Variants in APH1B observed in about 807,000 individuals in gnomAD.
The protein encoded by APH1B is gamma-secretase subunit APH-1B.
APH1B carries 27 observed loss-of-function variants against 28.2 expected under a neutral mutation model. The ratio of observed to expected loss-of-function variants is 0.96; its 90% CI spans 0.70 to 1.32. APH1B has a LOEUF of 1.32. Among genes scored for constraint, APH1B ranks in the 40% most tolerant of loss-of-function variants. APH1B has a pLI of 0.00. For missense variants in APH1B, 305 were observed against 313.6 expected, an observed-to-expected ratio of 0.97 and a Z score of 0.21; for synonymous variants, 141 against 124.6, an observed-to-expected ratio of 1.13 and a Z score of -0.88.
At chr15:63,303,865 C>A (rs538849214) in intron 5 of APH1B, among the ~76,000 whole-genome samples, 60 of 101,578 alleles carry the variant, frequency 5.9e-4, no homozygotes, top group African/African-American at 1.9e-3. Flanking sequence ...AACACACACA[C>A]ACACACACAA....
At chr15:63,303,750 C>T (rs775908340) in intron 5 of APH1B, among the ~76,000 whole-genome samples, 1 of 152,168 alleles carries the variant, frequency 6.6e-6, no homozygotes, top group Non-Finnish European at 1.5e-5. Context: ...CTCTCAGCCC[C>T]TCAAAGTGTT....
At chr15:63,277,947 G>T in intron 1 of APH1B, 1 of 576,272 alleles carries the variant, frequency 1.7e-6, no homozygotes, top group Admixed American at 3.3e-5. Flanking sequence ...CCTTTTGCCT[G>T]GGGCTCATGG....
intron 4 of APH1B, among the ~76,000 whole-genome samples, chr15:63,297,747 A>G (rs1305002743): frequency 6.6e-6 from 1 of 152,188 alleles, no homozygotes; most frequent in Non-Finnish European, 1.5e-5. Context: ...AGCTGTAGCC[A>G]CGTGTGTGTG....
At chr15:63,299,003 A>G (rs1029296438) in intron 4 of APH1B, among the ~76,000 whole-genome samples, 1 of 152,128 alleles carries the variant, frequency 6.6e-6, no homozygotes, top group Non-Finnish European at 1.5e-5. Context: ...ATGTGGTGAA[A>G]TGGAGAGGGG....
intron 1 of APH1B, chr15:63,277,974 C>T (rs2038343373): frequency 1.8e-6 from 1 of 556,278 alleles, no homozygotes; most frequent in Non-Finnish European, 3.2e-6. Context: ...TTTAGTGATC[C>T]GTGAAGCTAC....
chr15:63,307,625 T>A lies in APH1B; in HGVS notation c.*1844T>A, dbSNP rs894805622. The A allele has an allele frequency of 6.6e-6, 1 of 152,236 alleles. No individual in the cohort carries two copies. The highest frequency in any genetic ancestry group is 2.4e-5 in the African/African-American group (1 of 41,470). 9.4% of individuals were successfully genotyped at this position (152,236 alleles called of 1,614,324 possible). Reference sequence around the variant, plus strand: ...ACTCATCAAACTGGGATTATTCTTATCAAAACATGGTCTTCTTTGAATAAG... The same window carrying A: ...ACTCATCAAACTGGGATTATTCTTAACAAAACATGGTCTTCTTTGAATAAG... On this transcript the variant is annotated 3_prime_UTR_variant, in exon 6 of 6. Coordinates refer to ENST00000261879, the MANE Select transcript of APH1B (RefSeq NM_031301.4).
intron 4 of APH1B, among the ~76,000 whole-genome samples, chr15:63,300,855 A>G (rs1164117002): frequency 6.6e-6 from 1 of 152,204 alleles, no homozygotes; most frequent in Non-Finnish European, 1.5e-5. Flanking sequence ...ATAACATTAG[A>G]TTCTTGAGAT....
At position 63,304,224 on chromosome 15, in the gene APH1B, G is replaced by C. The variant is rs754625863; in HGVS notation, c.607-1390G>C. Reference sequence around the variant, plus strand: ...AAATACCAAAAGGCAGCACCAGGCTGTGGTGTTGAAGCCAGCGTCATGGTC... The same window carrying C: ...AAATACCAAAAGGCAGCACCAGGCTCTGGTGTTGAAGCCAGCGTCATGGTC... On this transcript the variant is annotated intron_variant, in intron 5 of 5. Coordinates refer to ENST00000261879, the MANE Select transcript of APH1B (RefSeq NM_031301.4). This position sits in a 1 kb window ranked among gnomAD's most constrained non-coding sequence, Gnocchi z 5.1. Among the ~76,000 whole-genome samples, 3 of 152,230 alleles carry C rather than the reference G, an allele frequency of 2.0e-5. No homozygotes were observed. The highest frequency in any genetic ancestry group is 1.3e-4 in the Admixed American group (2 of 15,280).
intron 4 of APH1B, among the ~76,000 whole-genome samples, chr15:63,301,501 A>G (rs909611705): frequency 1.3e-5 from 2 of 152,376 alleles, no homozygotes; most frequent in Non-Finnish European, 2.9e-5. Flanking sequence ...TTCCCCAGAA[A>G]AAACCTGGTG....
At chr15:63,279,460 A>C in intron 2 of APH1B, 129 bp downstream of exon 2, 1 of 746,674 alleles carries the variant, frequency 1.3e-6, no homozygotes. Context: ...AGATTGGTAC[A>C]TTTCCAGCCT....
chr15:63,287,834 CTT>C (rs780977450), intron 4 of APH1B, among the ~76,000 whole-genome samples: 1 of 152,110 alleles, frequency 6.6e-6, no homozygotes, highest in Non-Finnish European at 1.5e-5. Flanking sequence ...GCCATGTGCT[CTT>C]TTTGGTTTTT....
intron 2 of APH1B, among the ~76,000 whole-genome samples, chr15:63,282,428 A>G (rs575698020): frequency 6.6e-6 from 1 of 152,324 alleles, no homozygotes; most frequent in Admixed American, 6.5e-5. Flanking sequence ...TAATCACTTA[A>G]TCTTACTAAT....
chr15:63,281,760 C>CT (rs534635408), intron 2 of APH1B, among the ~76,000 whole-genome samples: 106 of 142,254 alleles, frequency 7.5e-4, no homozygotes, highest in Admixed American at 9.9e-4. Context: ...TATTGTTCCT[C>CT]TTTTTTTTTT....
intron 5 of APH1B, among the ~76,000 whole-genome samples, chr15:63,305,375 T>G (rs1163221161): frequency 1.3e-5 from 2 of 152,244 alleles, no homozygotes; most frequent in African/African-American, 4.8e-5. Context: ...CATTAGGTTC[T>G]GCCTAATGAC....
intron 2 of APH1B, among the ~76,000 whole-genome samples, chr15:63,280,212 C>T (rs1162505102): frequency 2.0e-5 from 3 of 152,172 alleles, no homozygotes; most frequent in Admixed American, 1.3e-4. Context: ...TAGAAAATCA[C>T]ATTTTAAAAA....
intron 1 of APH1B, among the ~76,000 whole-genome samples, chr15:63,278,754 G>A (rs944073940): frequency 2.6e-5 from 4 of 152,176 alleles, no homozygotes; most frequent in Admixed American, 2.0e-4. Context: ...ATAATTTCTT[G>A]TAAGTTTTAA....
intron 4 of APH1B, among the ~76,000 whole-genome samples, chr15:63,298,503 C>T (rs775664084): frequency 6.6e-6 from 1 of 152,196 alleles, no homozygotes; most frequent in Non-Finnish European, 1.5e-5. Context: ...AGCCACTGTG[C>T]CTGGCCAGGA....
At chr15:63,281,011 T>C (rs1197725618) in intron 2 of APH1B, among the ~76,000 whole-genome samples, 2 of 151,926 alleles carry the variant, frequency 1.3e-5, no homozygotes, top group African/African-American at 2.4e-5. Flanking sequence ...TAACTGGGCA[T>C]AGTGGTCCCA....
intron 4 of APH1B, among the ~76,000 whole-genome samples, chr15:63,291,441 A>G (rs1023631680): frequency 1.3e-5 from 2 of 152,244 alleles, no homozygotes; most frequent in Non-Finnish European, 2.9e-5. Context: ...CTTTTTAGCC[A>G]CTAAACGTTT....
Sources: allele counts gnomAD v4.1 joint callset (sites outside exome capture counted in the v4.1 genomes callset), GRCh38; gene constraint gnomAD v4.1.1; non-coding constraint Gnocchi (gnomAD v3.1); transcripts MANE v1.5; gene names NCBI Gene and HGNC (gene_info 2026-07-23, HGNC 2026-07-21).